Variants in CACHD1 observed in about 807,000 individuals in gnomAD.
The protein encoded by CACHD1 is cache domain containing 1.
A neutral mutation model predicts 138.7 loss-of-function variants in CACHD1; 71 were observed. The observed-to-expected ratio is 0.51, with a 90% CI of 0.42 to 0.62. The LOEUF is 0.62. Among genes scored for constraint, CACHD1 ranks in the 20% least tolerant of loss-of-function variants. The probability of loss-of-function intolerance (pLI) is 0.00; values close to 1 mark genes in which losing one functional copy is unlikely to be tolerated. For synonymous variants in CACHD1, 578 were observed against 591.5 expected, an observed-to-expected ratio of 0.98 and a Z score of 0.33; for missense variants, 1,389 against 1,625.3, an observed-to-expected ratio of 0.85 and a Z score of 2.50.
chr1:64,470,254 G>A lies in CACHD1; in HGVS notation c.-491G>A, dbSNP rs1211134937. 6.6e-6 allele frequency among the ~76,000 whole-genome samples: 1 copy of A among 151,976 alleles called. No individual in the cohort carries two copies. ...GCCTCCCCTTTCCCTCCTCGCTCGGGTGGCTGCCCCAGTCTCGCAGCCCGG... is the reference window on the plus strand; with the variant it reads ...GCCTCCCCTTTCCCTCCTCGCTCGGATGGCTGCCCCAGTCTCGCAGCCCGG... On this transcript the variant is annotated 5_prime_UTR_variant, in exon 1 of 27. The change creates a new upstream start codon in the 5' untranslated region. Coordinates refer to ENST00000651257, the MANE Select transcript of CACHD1 (RefSeq NM_020925.4). The surrounding 1 kb of genome is among the most constrained non-coding windows in gnomAD (Gnocchi z 5.2).
At chr1:64,545,675 T>C (rs1646712870) in intron 1 of CACHD1, among the ~76,000 whole-genome samples, 1 of 152,238 alleles carries the variant, frequency 6.6e-6, no homozygotes, top group Admixed American at 6.5e-5. Context: ...TGTTGTGTAC[T>C]GTACTTGTCT....
chr1:64,686,146 T>C (rs1184761635), intron 26 of CACHD1, among the ~76,000 whole-genome samples: 2 of 152,190 alleles, frequency 1.3e-5, no homozygotes, highest in African/African-American at 4.8e-5. Context: ...TGACTGGCCC[T>C]TGAACTGGTA....
At chr1:64,586,069 T>C (rs1647048993) in intron 3 of CACHD1, among the ~76,000 whole-genome samples, 2 of 152,140 alleles carry the variant, frequency 1.3e-5, no homozygotes, top group Non-Finnish European at 2.9e-5. Flanking sequence ...CACGCCTTCC[T>C]TTTGTTTTTT....
chr1:64,636,268 G>A (rs1254255733), intron 7 of CACHD1, among the ~76,000 whole-genome samples: 1 of 152,150 alleles, frequency 6.6e-6, no homozygotes, highest in Non-Finnish European at 1.5e-5. Context: ...CGCACATAAT[G>A]GATCCTCAAA....
chr1:64,553,873 C>T (rs888553160), intron 2 of CACHD1, among the ~76,000 whole-genome samples: 24 of 152,202 alleles, frequency 1.6e-4, no homozygotes, highest in Non-Finnish European at 2.5e-4. Flanking sequence ...TTTATATTCA[C>T]ATATCTTGCT....
intron 4 of CACHD1, among the ~76,000 whole-genome samples, chr1:64,618,848 T>C (rs1647807363): frequency 6.6e-6 from 1 of 152,168 alleles, no homozygotes; most frequent in Non-Finnish European, 1.5e-5. Flanking sequence ...TATTTTCTAT[T>C]TGGCAAGCGC....
At chr1:64,641,317 A>AT (rs1648706043) in intron 7 of CACHD1, among the ~76,000 whole-genome samples, 1 of 152,082 alleles carries the variant, frequency 6.6e-6, no homozygotes, top group Admixed American at 6.6e-5. Context: ...TACTGATGAG[A>AT]TTTTTAAATG....
At chr1:64,536,410 T>C (rs1001653698) in intron 1 of CACHD1, among the ~76,000 whole-genome samples, 8 of 152,190 alleles carry the variant, frequency 5.3e-5, no homozygotes, top group Admixed American at 3.3e-4. Context: ...GGGAGAATAA[T>C]TTGATGTTCT....
intron 3 of CACHD1, among the ~76,000 whole-genome samples, chr1:64,593,206 A>G (rs1647121845): frequency 6.6e-6 from 1 of 152,160 alleles, no homozygotes; most frequent in African/African-American, 2.4e-5. Flanking sequence ...TACGCCTGTA[A>G]CTATGTCATG....
chr1:64,556,356 T>C (rs1403603275), intron 2 of CACHD1, among the ~76,000 whole-genome samples: 1 of 152,240 alleles, frequency 6.6e-6, no homozygotes, highest in African/African-American at 2.4e-5. Flanking sequence ...CCTGTGTGCT[T>C]TTAGCTCACA....
At chr1:64,535,255 C>T (rs980366664) in intron 1 of CACHD1, among the ~76,000 whole-genome samples, 11 of 151,664 alleles carry the variant, frequency 7.3e-5, no homozygotes, top group Middle Eastern at 3.2e-3. Flanking sequence ...CTCCGTCTTT[C>T]TCCACCTCTT....
Position 64,471,005 on chromosome 1 carries a change from C to G in CACHD1, c.198+63C>G, listed in dbSNP as rs544161773. ...CTCCTTTGCTCAAACTCCCATCCCA[C>G]TCCCGGTACAAGTCCCCTGGACTGT... On this transcript the variant is annotated intron_variant, in intron 1 of 26. Transcript: ENST00000651257. The G allele has an allele frequency of 3.4e-6, 5 of 1,480,676 alleles. No homozygotes were observed. In the African/African-American group the frequency reaches 7.0e-5, roughly 21 times the overall value. The allele number at this position is 1,480,676 out of a possible 1,614,324, so 91.7% of individuals were successfully genotyped here.
chr1:64,651,869 G>C (rs1161359922), intron 9 of CACHD1, among the ~76,000 whole-genome samples: 1 of 152,172 alleles, frequency 6.6e-6, no homozygotes, highest in Non-Finnish European at 1.5e-5. Flanking sequence ...CACTGATCTG[G>C]AAGGTCTTAT....
intron 1 of CACHD1, among the ~76,000 whole-genome samples, chr1:64,472,022 C>G (rs1477937136): frequency 4.6e-5 from 7 of 152,162 alleles, no homozygotes; most frequent in African/African-American, 1.7e-4. Flanking sequence ...CTTACACATT[C>G]TAACAATCAT....
Position 64,641,842 on chromosome 1 carries a change from C to A in CACHD1, c.1029C>A (p.Tyr343Ter). The A allele has an allele frequency of 6.3e-7, 1 of 1,580,184 alleles. No individual in the cohort carries two copies. Among genetic ancestry groups the A allele is most frequent in the Admixed American group, 2.0e-5 (1 of 51,210 alleles). ...FQANTDMVII[Y>*]LSAGITSKDS... ...TAGATACAGACATGGTCATCATTTA[C>A]CTGTCAGCTGGCATTACATCAAAGG... Residue 343 changes from tyrosine to a stop codon, truncating the protein, a stop_gained, in exon 8 of 27, where the codon TAC becomes TAA. Coordinates refer to ENST00000651257, the MANE Select transcript of CACHD1 (RefSeq NM_020925.4). LOFTEE classifies it high-confidence loss of function.
rs374738564 is a variant in CACHD1 at position 64,529,735 on chromosome 1, T to C, written c.199-20859T>C. The stretch of plus-strand genomic sequence containing the variant: ...CTGGGATTTGAATCCACAACTGCCT[T>C]TGGTCCTTGTATCCATATTTGACCC... On this transcript the variant is annotated intron_variant, in intron 1 of 26. Coordinates refer to ENST00000651257, the MANE Select transcript of CACHD1 (RefSeq NM_020925.4). Among the ~76,000 whole-genome samples the C allele has an allele frequency of 2.5e-4, 38 of 152,334 alleles. No individual in the cohort carries two copies. The East Asian group carries it at 6.0e-3, about 24-fold the overall frequency.
chr1:64,511,036 G>C lies in CACHD1; in HGVS notation c.199-39558G>C, dbSNP rs572609351. 1.4e-4 allele frequency among the ~76,000 whole-genome samples: 22 copies of C among 152,276 alleles called. 1 individual carries two copies. The South Asian group carries it at 4.6e-3, about 32-fold the overall frequency. On this transcript the variant is annotated intron_variant, in intron 1 of 26. Transcript: ENST00000651257. Reference sequence around the variant, plus strand: ...CCATTTTCCTTTTGCTGATATCTATGTGGCAGGTAAAACGCCTTTTAGATC... The same window carrying C: ...CCATTTTCCTTTTGCTGATATCTATCTGGCAGGTAAAACGCCTTTTAGATC...
intron 1 of CACHD1, among the ~76,000 whole-genome samples, chr1:64,543,086 T>C (rs941534791): frequency 8.5e-5 from 13 of 152,080 alleles, no homozygotes; most frequent in African/African-American, 2.2e-4. Context: ...TATATAAACA[T>C]GCTTTTAATA....
At chr1:64,545,958 ACTC>A (rs1484015939) in intron 1 of CACHD1, among the ~76,000 whole-genome samples, 1 of 152,156 alleles carries the variant, frequency 6.6e-6, no homozygotes, top group Non-Finnish European at 1.5e-5. Context: ...ACATTTTAAA[ACTC>A]CTCACCTATT....
Sources: gnomAD v4.1 joint callset for allele counts (sites outside exome capture counted in the v4.1 genomes callset) on GRCh38, gnomAD v4.1.1 for gene constraint, Gnocchi (gnomAD v3.1) non-coding constraint, MANE v1.5 for transcripts, NCBI Gene and HGNC (gene_info 2026-07-23, HGNC 2026-07-21) for gene names.